ITGA8: variants seen among roughly 807,000 people sequenced by gnomAD.
ITGA8 encodes integrin alpha-8.
Under a neutral mutation model 142.3 loss-of-function variants are expected in ITGA8, and 91 were observed. The observed-to-expected ratio is 0.64, with a 90% CI of 0.54 to 0.76. The LOEUF (loss-of-function observed/expected upper bound fraction) is 0.76, where lower values mean the gene tolerates loss of function less well. ITGA8 is among the 30% of genes least tolerant of loss of function. The pLI is 0.00. For synonymous variants in ITGA8, 505 were observed against 485.2 expected, an observed-to-expected ratio of 1.04 and a Z score of -0.54; for missense variants, 1,406 against 1,327.7, an observed-to-expected ratio of 1.06 and a Z score of -0.92.
At chr10:15,689,865 A>G (rs1361058935) in intron 2 of ITGA8, among the ~76,000 whole-genome samples, 1 of 152,104 alleles carries the variant, frequency 6.6e-6, no homozygotes, top group East Asian at 1.9e-4. Context: ...AGCTACTCAG[A>G]GTGTGGGCCC....
At chr10:15,632,009 G>A (rs1318382801) in intron 13 of ITGA8, among the ~76,000 whole-genome samples, 1 of 151,952 alleles carries the variant, frequency 6.6e-6, no homozygotes, top group Non-Finnish European at 1.5e-5. Flanking sequence ...TATCTGGCGA[G>A]GGAAATTTGC....
At chr10:15,581,283 G>A (rs1834402427) in intron 23 of ITGA8, among the ~76,000 whole-genome samples, 1 of 152,164 alleles carries the variant, frequency 6.6e-6, no homozygotes, top group African/African-American at 2.4e-5. Context: ...TGAGGCTTGG[G>A]TGAGCTTCCC....
chr10:15,646,006 C>G (rs939434736), intron 12 of ITGA8, among the ~76,000 whole-genome samples: 8 of 152,130 alleles, frequency 5.3e-5, no homozygotes, highest in Non-Finnish European at 1.2e-4. Context: ...GTAGGCTGAT[C>G]AGAAGTCAGG....
Position 15,625,572 on chromosome 10 carries a change from C to A in ITGA8, c.1400-9013G>T, listed in dbSNP as rs1427504096. Among the ~76,000 whole-genome samples the A allele has an allele frequency of 2.6e-5, 4 of 152,302 alleles. No homozygotes were observed. In the South Asian group the frequency reaches 6.2e-4, roughly 24 times the overall value. ...AAGAGCGTGATAGCTCACAAAGATG[C>A]TTCCCTGACACCTAGCCTGACAGAT... On this transcript the variant is annotated intron_variant, in intron 13 of 29. Transcript: ENST00000378076.
At chr10:15,671,265 G>T (rs1430416283) in intron 8 of ITGA8, among the ~76,000 whole-genome samples, 4 of 152,070 alleles carry the variant, frequency 2.6e-5, no homozygotes, top group African/African-American at 9.7e-5. Flanking sequence ...CAATATGAGA[G>T]GTACTAGAAA....
chr10:15,641,771 C>G (rs115645419), intron 13 of ITGA8, among the ~76,000 whole-genome samples: 269 of 152,250 alleles, frequency 1.8e-3, no homozygotes, highest in African/African-American at 6.2e-3. Context: ...TCAGACTCAG[C>G]AAAGTTGTTG....
chr10:15,528,979 C>T (rs1466219510), intron 28 of ITGA8, among the ~76,000 whole-genome samples: 1 of 146,366 alleles, frequency 6.8e-6, no homozygotes, highest in Non-Finnish European at 1.5e-5. Flanking sequence ...TCTTTCTTTC[C>T]TTCTTTCTTT....
chr10:15,523,297 G>C (rs1164067183), intron 28 of ITGA8, among the ~76,000 whole-genome samples: 1 of 152,116 alleles, frequency 6.6e-6, no homozygotes, highest in Non-Finnish European at 1.5e-5. Context: ...CACTTACAAA[G>C]AGCTAACAAA....
At chr10:15,719,502 TG>T in intron 1 of ITGA8, 60 bp downstream of exon 1, 1 of 1,436,754 alleles carries the variant, frequency 7.0e-7, no homozygotes, top group Non-Finnish European at 9.1e-7. Flanking sequence ...GCAGAGCCGC[TG>T]GGACCTGACC....
chr10:15,653,050 C>T (rs1343423829), intron 11 of ITGA8, among the ~76,000 whole-genome samples: 1 of 152,226 alleles, frequency 6.6e-6, no homozygotes, highest in Non-Finnish European at 1.5e-5. Flanking sequence ...AATGCAGTGA[C>T]CTGCACACCT....
intron 11 of ITGA8, among the ~76,000 whole-genome samples, chr10:15,654,457 C>A (rs1446829376): frequency 6.6e-6 from 1 of 152,158 alleles, no homozygotes; most frequent in Non-Finnish European, 1.5e-5. Flanking sequence ...AAAGATATTT[C>A]CCAGCAGGTA....
intron 6 of ITGA8, among the ~76,000 whole-genome samples, chr10:15,674,583 A>T (rs906991847): frequency 6.6e-6 from 1 of 152,224 alleles, no homozygotes; most frequent in African/African-American, 2.4e-5. Flanking sequence ...TAATTGTTTG[A>T]TGTTTATAAT....
chr10:15,682,864 A>T (rs1588720892), intron 4 of ITGA8, among the ~76,000 whole-genome samples: 1 of 151,990 alleles, frequency 6.6e-6, no homozygotes, highest in Admixed American at 6.6e-5. Context: ...AAAAAAAAAA[A>T]AAAAAAAAAA....
intron 28 of ITGA8, among the ~76,000 whole-genome samples, chr10:15,522,523 C>T (rs1472470225): frequency 1.3e-5 from 2 of 152,180 alleles, no homozygotes; most frequent in Non-Finnish European, 2.9e-5. Context: ...ACAATGACCC[C>T]AGGAGAGAAA....
At chr10:15,684,785 T>C (rs1834805792) in intron 3 of ITGA8, among the ~76,000 whole-genome samples, 1 of 152,132 alleles carries the variant, frequency 6.6e-6, no homozygotes, top group African/African-American at 2.4e-5. Context: ...TAAAAGCAAA[T>C]GATCATGTAA....
rs747139230 is a variant in ITGA8 at position 15,531,155 on chromosome 10, A to C, written c.2881-4T>G. On this transcript the variant is annotated splice_region_variant and splice_polypyrimidine_tract_variant and intron_variant, in intron 27 of 29. Transcript: ENST00000378076. The stretch of plus-strand genomic sequence containing the variant: ...GAGCATAGGGATCATTTTTTCTCTG[A>C]AAGTAAAAGTATTTATTTAAATATA... 7.2e-7 allele frequency: 1 copy of C among 1,385,556 alleles called. No individual in the cohort carries two copies. Among genetic ancestry groups the C allele is most frequent in the Admixed American group, 2.5e-5 (1 of 40,010 alleles). 85.8% of individuals were successfully genotyped at this position (1,385,556 alleles called of 1,614,324 possible).
intron 27 of ITGA8, among the ~76,000 whole-genome samples, chr10:15,545,447 G>A (rs1833650778): frequency 6.6e-6 from 1 of 152,094 alleles, no homozygotes; most frequent in Non-Finnish European, 1.5e-5. Flanking sequence ...TTTCAAAGCT[G>A]TTTTATTAGA....
At chr10:15,564,386 T>C (rs1267180955) in intron 25 of ITGA8, among the ~76,000 whole-genome samples, 1 of 152,236 alleles carries the variant, frequency 6.6e-6, no homozygotes, top group Non-Finnish European at 1.5e-5. Flanking sequence ...CCACTGAGGG[T>C]GGAGGACGCT....
At chr10:15,517,502 G>A (rs1012351673) in intron 29 of ITGA8, among the ~76,000 whole-genome samples, 5 of 152,046 alleles carry the variant, frequency 3.3e-5, no homozygotes, top group African/African-American at 1.2e-4. Context: ...TTTTGTATTT[G>A]TAGGAGAGAT....
Sources: gnomAD v4.1 joint callset for allele counts (sites outside exome capture counted in the v4.1 genomes callset) on GRCh38, gnomAD v4.1.1 for gene constraint, MANE v1.5 for transcripts, NCBI Gene and HGNC (gene_info 2026-07-23, HGNC 2026-07-21) for gene names.